Variants in SSH2 observed in about 807,000 individuals in gnomAD.
SSH2 encodes protein phosphatase Slingshot homolog 2.
SSH2 carries 37 observed loss-of-function variants against 135.2 expected under a neutral mutation model. The observed-to-expected ratio is 0.27, with a 90% CI of 0.21 to 0.36. The LOEUF is 0.36. SSH2 is among the 10% of genes least tolerant of loss of function. The pLI, the probability that SSH2 is intolerant of heterozygous loss-of-function variation, is 1.00. For missense variants in SSH2, 1,408 were observed against 1,765.3 expected (o/e 0.80, Z 3.63); for synonymous variants, 628 against 646.2 (o/e 0.97, Z 0.43).
chr17:29,793,529 T>G (rs2042107646), intron 3 of SSH2: 1 of 163,932 alleles, frequency 6.1e-6, no homozygotes, highest in Non-Finnish European at 1.3e-5. Context: ...GATGCTTGGG[T>G]GAAAACTGAG....
At chr17:29,657,574 GTTTTTTTTTTTTT>G (rs764763821) in intron 11 of SSH2, among the ~76,000 whole-genome samples, 3 of 80,070 alleles carry the variant, frequency 3.7e-5, no homozygotes, top group East Asian at 8.2e-4. Context: ...CGGCTACTTT[GTTTTTTTTTTTTT>G]TTTTTTTTTT....
chr17:29,805,263 C>A (rs1021929464), intron 2 of SSH2, among the ~76,000 whole-genome samples: 4 of 152,062 alleles, frequency 2.6e-5, no homozygotes, highest in Non-Finnish European at 5.9e-5. Context: ...TCACGCCATT[C>A]TCCTGCCTCA....
intron 3 of SSH2, among the ~76,000 whole-genome samples, chr17:29,730,586 C>T (rs1457934533): frequency 1.3e-5 from 2 of 151,800 alleles, no homozygotes; most frequent in African/African-American, 4.8e-5. Context: ...CAGATGTGTG[C>T]CACCACACTC....
At chr17:29,869,336 G>A (rs533320609) in intron 1 of SSH2, among the ~76,000 whole-genome samples, 2 of 152,240 alleles carry the variant, frequency 1.3e-5, no homozygotes, top group African/African-American at 2.4e-5. Flanking sequence ...TTGGTTGCCC[G>A]AAATCCAAGC....
chr17:29,730,342 T>C (rs2040137647), intron 3 of SSH2, among the ~76,000 whole-genome samples: 1 of 147,920 alleles, frequency 6.8e-6, no homozygotes, highest in South Asian at 2.1e-4. Context: ...TATATACATA[T>C]AATTATATAT....
chr17:29,732,477 T>TTTTTAAAA (rs1395255303), intron 3 of SSH2, among the ~76,000 whole-genome samples: 3 of 152,172 alleles, frequency 2.0e-5, no homozygotes, highest in Non-Finnish European at 4.4e-5. Context: ...TTAAAACAAT[T>TTTTTAAAA]TTTTGGTCTA....
chr17:29,665,791 C>T lies in SSH2; in HGVS notation c.1032+1076G>A, dbSNP rs138470329. On this transcript the variant is annotated intron_variant, in intron 11 of 15. Coordinates refer to ENST00000540801, the MANE Select transcript of SSH2 (RefSeq NM_001282129.2). Reference sequence around the variant, plus strand: ...AATAGACTTTAGAAGCTTTCAAAATCTACCTGTCAGAGAGGTCTCCTTGGG... The same window carrying T: ...AATAGACTTTAGAAGCTTTCAAAATTTACCTGTCAGAGAGGTCTCCTTGGG... Among the ~76,000 whole-genome samples the T allele has an allele frequency of 3.7e-3, 566 of 152,274 alleles. 4 individuals carry two copies. Among genetic ancestry groups the T allele is most frequent in the African/African-American group, 0.013 (543 of 41,548 alleles).
chr17:29,886,255 T>C (rs879275225), intron 1 of SSH2, among the ~76,000 whole-genome samples: 1 of 152,148 alleles, frequency 6.6e-6, no homozygotes, highest in Non-Finnish European at 1.5e-5. Context: ...AGGTCCAGGC[T>C]GAGGTGGTCT....
At chr17:29,776,196 C>T (rs2041696280) in intron 3 of SSH2, 1 of 152,184 alleles carries the variant, frequency 6.6e-6, no homozygotes, top group Non-Finnish European at 1.5e-5. Flanking sequence ...TTTAGTCAGC[C>T]ATCTGAGGTG....
At chr17:29,822,369 T>C (rs998455918) in intron 2 of SSH2, among the ~76,000 whole-genome samples, 1 of 151,276 alleles carries the variant, frequency 6.6e-6, no homozygotes, top group Admixed American at 6.6e-5. Flanking sequence ...GACCCTTTTT[T>C]TTTTCTTTCT....
At chr17:29,692,985 G>C (rs1362258499) in intron 5 of SSH2, among the ~76,000 whole-genome samples, 1 of 152,162 alleles carries the variant, frequency 6.6e-6, no homozygotes, top group Non-Finnish European at 1.5e-5. Context: ...TATTATTAGA[G>C]GGTCTTGCAC....
At chr17:29,897,011 T>G (rs1038386246) in intron 1 of SSH2, among the ~76,000 whole-genome samples, 2 of 151,860 alleles carry the variant, frequency 1.3e-5, no homozygotes, top group African/African-American at 4.8e-5. Flanking sequence ...GACATACATA[T>G]ATGGGTGTGT....
At chr17:29,909,977 A>G (rs906581991) in intron 1 of SSH2, among the ~76,000 whole-genome samples, 1 of 152,032 alleles carries the variant, frequency 6.6e-6, no homozygotes, top group African/African-American at 2.4e-5. Context: ...ACGGGGTCTC[A>G]CTCTGTCACC....
At chr17:29,905,369 C>T (rs2066634271) in intron 1 of SSH2, among the ~76,000 whole-genome samples, 1 of 152,202 alleles carries the variant, frequency 6.6e-6, no homozygotes, top group Admixed American at 6.5e-5. Flanking sequence ...GCAACTGCTC[C>T]AGTCAGCCTG....
At chr17:29,724,802 C>A (rs1365708486) in intron 3 of SSH2, among the ~76,000 whole-genome samples, 1 of 150,982 alleles carries the variant, frequency 6.6e-6, no homozygotes, top group Non-Finnish European at 1.5e-5. Context: ...GTTGCCCAGG[C>A]TGGTCTCAAA....
intron 3 of SSH2, among the ~76,000 whole-genome samples, chr17:29,754,749 C>T (rs766286683): frequency 1.5e-4 from 23 of 152,270 alleles, no homozygotes; most frequent in Middle Eastern, 3.4e-3. Context: ...TCACTGCAAC[C>T]TCTGCCTCTC....
At chr17:29,910,176 C>T (rs1333012074) in intron 1 of SSH2, among the ~76,000 whole-genome samples, 1 of 152,108 alleles carries the variant, frequency 6.6e-6, no homozygotes, top group Admixed American at 6.5e-5. Flanking sequence ...AAATTCCTGG[C>T]CTGAAGCAAT....
intron 3 of SSH2, among the ~76,000 whole-genome samples, chr17:29,743,907 C>CTTTTTTTTTTTTTTT (rs59540894): frequency 2.0e-5 from 2 of 99,852 alleles, no homozygotes; most frequent in East Asian, 2.9e-4. Context: ...TTCTTTTTTC[C>CTTTTTTTTTTTTTTT]TTTTTTTTTT....
chr17:29,716,674 C>A, intron 3 of SSH2: 1 of 638,000 alleles, frequency 1.6e-6, no homozygotes, highest in East Asian at 3.6e-5. Context: ...TCCTCTTTCC[C>A]TTTGTGTTTG....
Sources: gnomAD v4.1 joint callset for allele counts (sites outside exome capture counted in the v4.1 genomes callset) on GRCh38, gnomAD v4.1.1 for gene constraint, MANE v1.5 for transcripts, NCBI Gene and HGNC (gene_info 2026-07-23, HGNC 2026-07-21) for gene names.